Variants in GNB4 observed in about 807,000 individuals in gnomAD.
GNB4 encodes the protein G protein subunit beta 4, also known as guanine nucleotide-binding protein subunit beta-4.
GNB4 carries 28 observed loss-of-function variants against 45.2 expected under a neutral mutation model. The ratio of observed to expected loss-of-function variants is 0.62; its 90% confidence interval spans 0.46 to 0.85. The LOEUF is 0.85. Ranked by LOEUF, GNB4 falls within the 40% of genes least tolerant of loss-of-function variation. GNB4 has a pLI of 0.00. For synonymous variants in GNB4, 132 were observed against 143.7 expected (o/e 0.92, Z 0.58); for missense variants, 321 against 425.4 (o/e 0.75, Z 2.16).
rs1354109011 is a variant in GNB4 at position 179,397,539 on chromosome 3, G to C, written c.*3674C>G. Reference sequence around the variant, plus strand: ...TGAGTCTAAAATGAAGGGAATTGCTGAACAGGCCCTTTTGCTGTTGAGATA... The same window carrying C: ...TGAGTCTAAAATGAAGGGAATTGCTCAACAGGCCCTTTTGCTGTTGAGATA... On this transcript the variant is annotated 3_prime_UTR_variant, in exon 10 of 10. Coordinates refer to ENST00000232564, the MANE Select transcript of GNB4 (RefSeq NM_021629.4). 1 of 152,612 alleles carries C rather than the reference G, an allele frequency of 6.6e-6. No individual in the cohort carries two copies. The highest frequency in any genetic ancestry group is 1.5e-5 in the Non-Finnish European group (1 of 68,048). The allele number at this position is 152,612 out of a possible 1,614,324, so 9.5% of individuals were successfully genotyped here. A position where few individuals can be genotyped will look rare whatever the true frequency, so the allele number is the denominator to read the frequency against.
At chr3:179,511,952 G>T in the GNB4 span, among the ~76,000 whole-genome samples, 2 of 152,186 alleles carry the variant, frequency 1.3e-5, no homozygotes, top group Non-Finnish European at 2.9e-5. Flanking sequence ...AGGCTAGCAT[G>T]ACTAAAGAAA....
the GNB4 span, among the ~76,000 whole-genome samples, chr3:179,476,154 G>A: frequency 6.6e-6 from 1 of 152,214 alleles, no homozygotes; most frequent in South Asian, 2.1e-4. Flanking sequence ...TAAGTTACAT[G>A]CTTCCAAAAT....
the GNB4 span, among the ~76,000 whole-genome samples, chr3:179,468,058 T>G: frequency 2.3e-5 from 2 of 88,728 alleles, no homozygotes; most frequent in African/African-American, 8.6e-5. Context: ...ATAGAACAGG[T>G]GTGGTGGCAC....
Position 179,413,401 on chromosome 3 carries a change from T to G in GNB4, c.699+11A>C, listed in dbSNP as rs1414244498. ...CATAATAAATTTTCTCTAGAAATGC[T>G]ATTCACTTACACTGACAGCATTGAT... is the stretch of plus-strand genomic sequence containing the variant. On this transcript the variant is annotated intron_variant, in intron 8 of 9. Transcript: ENST00000232564. 6.2e-7 allele frequency: 1 copy of G among 1,604,726 alleles called. No individual in the cohort carries two copies. The highest frequency in any genetic ancestry group is 1.1e-5 in the South Asian group (1 of 90,888).
rs113570726 is a variant in GNB4, at chr3:179,438,071, C to T, written c.-42-11829G>A. Among the ~76,000 whole-genome samples, 290 of 149,820 alleles carry T rather than the reference C, an allele frequency of 1.9e-3. 1 individual carries two copies. Among genetic ancestry groups the T allele is most frequent in the African/African-American group, 6.9e-3 (280 of 40,582 alleles). On this transcript the variant is annotated intron_variant, in intron 1 of 9. Transcript: ENST00000232564. ...TGGGCGACAGAGTGAGACCTCATCT[C>T]AAAAAAAAAGAAAAAGAAAAGGCAG...
At position 179,414,895 on chromosome 3, in the gene GNB4, T is replaced by C; in HGVS notation, c.420A>G (p.Pro140=). The C allele has an allele frequency of 6.3e-7, 1 of 1,585,068 alleles. No homozygotes were observed. Among genetic ancestry groups the C allele is most frequent in the South Asian group, 1.1e-5 (1 of 87,032 alleles). Reference sequence around the variant, plus strand: ...TTTAGGGAAGCTCACCTGTGTGACCTGGCAACTCTCGGCTTACTCTCACAT... The same window carrying C: ...TTTAGGGAAGCTCACCTGTGTGACCCGGCAACTCTCGGCTTACTCTCACAT... ...EGNVRVSREL[P]GHTGYLSCCR... is the part of the protein sequence containing the mutation. Residue 140 remains proline (P), a synonymous_variant, in exon 6 of 10, where the codon CCA becomes CCG. Coordinates refer to ENST00000232564, the MANE Select transcript of GNB4 (RefSeq NM_021629.4).
the GNB4 span, among the ~76,000 whole-genome samples, chr3:179,478,191 T>C: frequency 7.9e-5 from 12 of 152,120 alleles, no homozygotes; most frequent in African/African-American, 2.9e-4. Flanking sequence ...CCAACTCTCA[T>C]GATGGCAACA....
the GNB4 span, among the ~76,000 whole-genome samples, chr3:179,468,586 T>C: frequency 6.6e-6 from 1 of 151,900 alleles, no homozygotes; most frequent in East Asian, 1.9e-4. Flanking sequence ...ACATGCATCA[T>C]AGCCTCCACT....
chr3:179,506,320 G>A, the GNB4 span, among the ~76,000 whole-genome samples: 2 of 152,040 alleles, frequency 1.3e-5, no homozygotes, highest in Admixed American at 1.3e-4. Context: ...CCTGGGCGAT[G>A]AAGTGAGACC....
chr3:179,485,668 C>T, the GNB4 span, among the ~76,000 whole-genome samples: 9 of 152,174 alleles, frequency 5.9e-5, no homozygotes, highest in Non-Finnish European at 7.3e-5. Context: ...CAGCTGGGCA[C>T]GATTGCTCAT....
chr3:179,489,037 T>TAC, the GNB4 span, among the ~76,000 whole-genome samples: 17 of 75,610 alleles, frequency 2.2e-4, no homozygotes, highest in Admixed American at 5.3e-4. Context: ...TATATATATA[T>TAC]ATATATATAA....
the GNB4 span, among the ~76,000 whole-genome samples, chr3:179,501,290 T>G: frequency 7.1e-6 from 1 of 141,732 alleles, no homozygotes; most frequent in Middle Eastern, 3.6e-3. Context: ...ACTCATCCAA[T>G]TGCCTACATT....
the GNB4 span, among the ~76,000 whole-genome samples, chr3:179,482,092 G>A: frequency 2.0e-5 from 3 of 151,800 alleles, no homozygotes; most frequent in African/African-American, 7.3e-5. Flanking sequence ...TTGTAGAGAC[G>A]GGGTTTGGCC....
chr3:179,408,801 A>G (rs1297281335), intron 8 of GNB4, among the ~76,000 whole-genome samples: 1 of 146,978 alleles, frequency 6.8e-6, no homozygotes, highest in Non-Finnish European at 1.5e-5. Flanking sequence ...CAAAAAAAAG[A>G]AAAAGAAAGA....
intron 1 of GNB4, among the ~76,000 whole-genome samples, chr3:179,428,613 A>G (rs1715215561): frequency 6.6e-6 from 1 of 152,164 alleles, no homozygotes; most frequent in South Asian, 2.1e-4. Flanking sequence ...CTAAAACACT[A>G]GAAAGAACTA....
At chr3:179,511,097 C>A in the GNB4 span, among the ~76,000 whole-genome samples, 1 of 152,152 alleles carries the variant, frequency 6.6e-6, no homozygotes, top group Non-Finnish European at 1.5e-5. Flanking sequence ...TGGAGGCTCC[C>A]AAGAGCTCCC....
chr3:179,431,557 CAA>C (rs71181291), intron 1 of GNB4, among the ~76,000 whole-genome samples: 17 of 128,512 alleles, frequency 1.3e-4, no homozygotes, highest in Non-Finnish European at 6.6e-5. Flanking sequence ...GACTCTGTCT[CAA>C]AAAAAAAAAA....
the GNB4 span, among the ~76,000 whole-genome samples, chr3:179,491,249 A>T: frequency 6.6e-6 from 1 of 152,216 alleles, no homozygotes. Flanking sequence ...AAAAATTTTT[A>T]AATTACAATA....
the GNB4 span, among the ~76,000 whole-genome samples, chr3:179,505,272 G>A: frequency 6.6e-6 from 1 of 152,312 alleles, no homozygotes; most frequent in Non-Finnish European, 1.5e-5. Context: ...GAGAGCTATG[G>A]AAGAGAGAAG....
Sources: allele counts gnomAD v4.1 joint callset (sites outside exome capture counted in the v4.1 genomes callset), GRCh38; gene constraint gnomAD v4.1.1; transcripts MANE v1.5; gene names NCBI Gene and HGNC (gene_info 2026-07-23, HGNC 2026-07-21).